The following EXOC6 variants were observed in gnomAD, a reference collection of about 807,000 sequenced individuals.
The protein encoded by EXOC6 is exocyst complex component 6.
EXOC6 carries 60 observed loss-of-function variants against 112.5 expected under a neutral mutation model. The observed-to-expected ratio is 0.53, with a 90% CI of 0.43 to 0.66. The LOEUF (loss-of-function observed/expected upper bound fraction) is 0.66, where lower values mean the gene tolerates loss of function less well. EXOC6 is among the 30% of genes least tolerant of loss of function. The pLI, the probability that EXOC6 is intolerant of heterozygous loss-of-function variation, is 0.00. For synonymous variants in EXOC6, 295 were observed against 308.0 expected (o/e 0.96, Z 0.44); for missense variants, 855 against 957.1 (o/e 0.89, Z 1.41).
chr10:92,892,330 G>A (rs1849546970), intron 1 of EXOC6, among the ~76,000 whole-genome samples: 1 of 152,218 alleles, frequency 6.6e-6, no homozygotes, highest in Admixed American at 6.5e-5. Flanking sequence ...CTTTCTCAGT[G>A]GAATTGTGGA....
At chr10:92,869,329 G>C (rs1848328459) in intron 1 of EXOC6, among the ~76,000 whole-genome samples, 1 of 151,022 alleles carries the variant, frequency 6.6e-6, no homozygotes, top group Non-Finnish European at 1.5e-5. Flanking sequence ...AAAAAAATGA[G>C]ACAGGGTCGC....
intron 19 of EXOC6, among the ~76,000 whole-genome samples, chr10:93,001,980 G>A (rs1169938383): frequency 1.3e-5 from 2 of 152,138 alleles, no homozygotes; most frequent in Non-Finnish European, 2.9e-5. Context: ...ATACTCAGGT[G>A]TACAGAACAA....
intron 1 of EXOC6, among the ~76,000 whole-genome samples, chr10:92,849,042 A>G (rs969189204): frequency 8.6e-5 from 13 of 151,980 alleles, no homozygotes; most frequent in African/African-American, 2.7e-4. Flanking sequence ...GCTAGGGTCG[A>G]CAGCAGGCAC....
At chr10:93,037,133 T>G (rs1488480226) in intron 20 of EXOC6, among the ~76,000 whole-genome samples, 1 of 152,026 alleles carries the variant, frequency 6.6e-6, no homozygotes, top group Admixed American at 6.6e-5. Flanking sequence ...CAAACTTCCT[T>G]TCTTCTTCTA....
intron 20 of EXOC6, among the ~76,000 whole-genome samples, chr10:93,032,788 T>A (rs748444243): frequency 1.3e-4 from 20 of 152,108 alleles, no homozygotes; most frequent in Admixed American, 3.3e-4. Context: ...TTTTAGATGG[T>A]ATGAGAAAAA....
At chr10:93,009,510 CCAGA>C (rs1393196687) in intron 19 of EXOC6, among the ~76,000 whole-genome samples, 1 of 151,942 alleles carries the variant, frequency 6.6e-6, no homozygotes, top group Non-Finnish European at 1.5e-5. Context: ...GTGGGAAGAC[CCAGA>C]CAGATAAACA....
rs1846256297 is a variant in EXOC6 at position 93,050,854 on chromosome 10, A to AGAG, written c.2170-6069_2170-6067dup. Among the ~76,000 whole-genome samples, 7 of 151,282 alleles carry AGAG rather than the reference A, an allele frequency of 4.6e-5. No individual in the cohort carries two copies. The Admixed American group carries it at 4.6e-4, about 10-fold the overall frequency. On this transcript the variant is annotated intron_variant, in intron 20 of 21. Coordinates refer to ENST00000260762, the MANE Select transcript of EXOC6 (RefSeq NM_019053.6). ...ACCACTGCACTCCAGTCTGGGTGACAGAGCGAGACTCTGTCTCAAAACAAC... is the reference window on the plus strand; with the variant it reads ...ACCACTGCACTCCAGTCTGGGTGACAGAGGAGCGAGACTCTGTCTCAAAACAAC...
intron 20 of EXOC6, among the ~76,000 whole-genome samples, chr10:93,046,241 A>C (rs1436077369): frequency 6.6e-6 from 1 of 152,214 alleles, no homozygotes; most frequent in Non-Finnish European, 1.5e-5. Context: ...TAGAAGGAGG[A>C]AAAAGGCACT....
Position 92,827,474 on chromosome 10 carries a change from C to CAAAAAAAAAAA in EXOC6, c.-27+552_-27+562dup, listed in dbSNP as rs60863083. On this transcript the variant is annotated intron_variant, in intron 1 of 22. Coordinates refer to the EXOC6 transcript ENST00000671701. ...GGGCGACAGAGTGAGGCCCTGTTGC[C>CAAAAAAAAAAA]AAAAAAAAAAAAAAAAAAAAAAAAA... 1.5e-3 allele frequency among the ~76,000 whole-genome samples: 51 copies of CAAAAAAAAAAA among 33,212 alleles called. 10 individuals are homozygous for CAAAAAAAAAAA. The highest frequency in any genetic ancestry group is 0.015 in the East Asian group (13 of 886). The allele number at this position is 33,212 out of a possible 152,430, so 21.8% of individuals were successfully genotyped here. A position where few individuals can be genotyped will look rare whatever the true frequency, so the allele number is the denominator to read the frequency against.
At chr10:92,864,166 C>G (rs1196309556) in intron 1 of EXOC6, among the ~76,000 whole-genome samples, 2 of 152,132 alleles carry the variant, frequency 1.3e-5, no homozygotes. Flanking sequence ...CAAACAGACT[C>G]ACTGTTATAT....
At chr10:92,925,737 G>A (rs547077944) in intron 8 of EXOC6, among the ~76,000 whole-genome samples, 17 of 152,172 alleles carry the variant, frequency 1.1e-4, no homozygotes, top group East Asian at 1.9e-4. Context: ...ATAGCTCACT[G>A]CTGCTTTGAA....
At chr10:92,892,491 C>T (rs1849556440) in intron 1 of EXOC6, among the ~76,000 whole-genome samples, 1 of 152,206 alleles carries the variant, frequency 6.6e-6, no homozygotes, top group African/African-American at 2.4e-5. Flanking sequence ...GGCTGACTGC[C>T]CACATTGCTG....
chr10:92,874,799 T>C (rs747125591), intron 1 of EXOC6, among the ~76,000 whole-genome samples: 1 of 152,228 alleles, frequency 6.6e-6, no homozygotes, highest in African/African-American at 2.4e-5. Flanking sequence ...TTGATGACTT[T>C]GTCTTCATCC....
At chr10:92,857,471 G>C (rs1226271486) in intron 1 of EXOC6, among the ~76,000 whole-genome samples, 3 of 151,966 alleles carry the variant, frequency 2.0e-5, no homozygotes, top group African/African-American at 7.2e-5. Context: ...AGACCAATAT[G>C]TATTTTTAAA....
At chr10:92,946,756 C>A (rs916805996) in intron 13 of EXOC6, among the ~76,000 whole-genome samples, 2 of 152,170 alleles carry the variant, frequency 1.3e-5, no homozygotes, top group Non-Finnish European at 2.9e-5. Context: ...TGTGCCTTTG[C>A]GTATATATTC....
chr10:92,950,346 G>GTAATAGTTTAAATAGTAAACAAAAAAA (rs1853332275), intron 14 of EXOC6, among the ~76,000 whole-genome samples: 1 of 152,016 alleles, frequency 6.6e-6, no homozygotes, highest in Non-Finnish European at 1.5e-5. Context: ...AAACATACAT[G>GTAATAGTTTAAATAGTAAACAAAAAAA]CAAAAATGTT....
intron 20 of EXOC6, among the ~76,000 whole-genome samples, chr10:93,042,988 G>C (rs1170497294): frequency 6.6e-6 from 1 of 151,762 alleles, no homozygotes; most frequent in Admixed American, 6.6e-5. Context: ...CCAGGCTGGA[G>C]TGCAGTGGCG....
chr10:92,994,977 T>C (rs1021193209), intron 18 of EXOC6, among the ~76,000 whole-genome samples: 1 of 152,010 alleles, frequency 6.6e-6, no homozygotes, highest in African/African-American at 2.4e-5. Flanking sequence ...TATTGTATAA[T>C]CTTATGGAAT....
chr10:93,003,053 G>A (rs540201801), intron 19 of EXOC6, among the ~76,000 whole-genome samples: 8 of 152,284 alleles, frequency 5.3e-5, no homozygotes, highest in African/African-American at 1.7e-4. Flanking sequence ...ACTCAGAAAA[G>A]ATGCTTAAAT....
Sources: allele counts gnomAD v4.1 joint callset (sites outside exome capture counted in the v4.1 genomes callset), GRCh38; gene constraint gnomAD v4.1.1; transcripts MANE v1.5; gene names NCBI Gene and HGNC (gene_info 2026-07-23, HGNC 2026-07-21).